KLHL10: variants seen among roughly 807,000 people sequenced by gnomAD.
KLHL10 encodes the protein kelch like family member 10, also known as kelch-like protein 10.
Under a neutral mutation model 46.6 loss-of-function variants are expected in KLHL10, and 11 were observed. The observed-to-expected ratio is 0.24, with a 90% CI of 0.15 to 0.39. The LOEUF (loss-of-function observed/expected upper bound fraction) is 0.39, where lower values mean the gene tolerates loss of function less well. Ranked by LOEUF, KLHL10 falls within the 10% of genes least tolerant of loss-of-function variation. The probability of loss-of-function intolerance (pLI) is 1.00; values close to 1 mark genes in which losing one functional copy is unlikely to be tolerated. For synonymous variants in KLHL10, 254 were observed against 279.1 expected (o/e 0.91, Z 0.90); for missense variants, 475 against 789.8 (o/e 0.60, Z 4.78).
At chr17:41,846,889 C>T (rs6503670) in intron 3 of KLHL10, among the ~76,000 whole-genome samples, 137,415 of 152,190 alleles carry the variant, frequency 0.9, 62,182 homozygotes, top group East Asian at 1. Flanking sequence ...CTGAGAGGGG[C>T]GGATTGCCTT....
chr17:41,841,353 C>T (rs889289340), intron 1 of KLHL10, among the ~76,000 whole-genome samples: 4 of 151,992 alleles, frequency 2.6e-5, no homozygotes, highest in Non-Finnish European at 4.4e-5. Flanking sequence ...CTCGCTGTGT[C>T]CCCCAGGCTG....
At chr17:41,846,021 C>A (rs1265464981) in intron 3 of KLHL10, among the ~76,000 whole-genome samples, 1 of 151,826 alleles carries the variant, frequency 6.6e-6, no homozygotes, top group Non-Finnish European at 1.5e-5. Context: ...ACCAGCCTGG[C>A]CAACATAGTG....
intron 2 of KLHL10, among the ~76,000 whole-genome samples, 188 bp downstream of exon 2, chr17:41,842,500 C>T (rs2144129519): frequency 6.6e-6 from 1 of 152,250 alleles, no homozygotes; most frequent in African/African-American, 2.4e-5. Flanking sequence ...TATTCTTTGA[C>T]CAAAATCCTT....
rs542113853 is a variant in KLHL10 at position 41,837,871 on chromosome 17, G to C, written c.-62G>C. On this transcript the variant is annotated 5_prime_UTR_variant, in exon 1 of 5. Coordinates refer to ENST00000293303, the MANE Select transcript of KLHL10 (RefSeq NM_152467.5). ...AAAGGAGCGACAGCTGGCTAAAGGG[G>C]CCCCCCACAACCCTCCCCGACACCC... The C allele has an allele frequency of 6.5e-5, 105 of 1,607,752 alleles. 2 individuals carry two copies. The South Asian group carries it at 1.1e-3, about 17-fold the overall frequency.
At chr17:41,842,392 C>A in intron 2 of KLHL10, 80 bp downstream of exon 2, 1 of 1,560,346 alleles carries the variant, frequency 6.4e-7, no homozygotes, top group Non-Finnish European at 8.8e-7. Context: ...GATCCCAAGG[C>A]TGTATTTACA....
upstream of KLHL10, chr17:41,835,946 C>A (rs782655954): frequency 1.3e-4 from 214 of 1,592,162 alleles, no homozygotes; most frequent in Non-Finnish European, 1.8e-4. Context: ...TGGCCTTCAT[C>A]AGGGTGCTCA....
At chr17:41,836,336 C>G (rs900375892), upstream of KLHL10, 64 of 1,218,164 alleles carry the variant, frequency 5.3e-5, no homozygotes, top group Non-Finnish European at 2.3e-5. Flanking sequence ...ATCGAGCGGT[C>G]CCGGAGATGG....
intron 1 of KLHL10, among the ~76,000 whole-genome samples, chr17:41,840,537 C>T (rs1597934344): frequency 6.7e-6 from 1 of 148,798 alleles, no homozygotes; most frequent in African/African-American, 2.5e-5. Flanking sequence ...CCCAGCTACT[C>T]GGGAGGCTGA....
upstream of KLHL10, chr17:41,836,289 T>TGGTGGGGCTGGGGGCGGGGCGGG: frequency 1.2e-6 from 1 of 869,542 alleles, no homozygotes; most frequent in Non-Finnish European, 1.4e-6. Context: ...GGGCGGGGGT[T>TGGTGGGGCTGGGGGCGGGGCGGG]GGTGGGGCCG....
chr17:41,842,995 T>C (rs2048242297), intron 2 of KLHL10, among the ~76,000 whole-genome samples: 2 of 151,690 alleles, frequency 1.3e-5, no homozygotes, highest in South Asian at 4.2e-4. Context: ...TGGTGGTGCA[T>C]GCCTGCAGTT....
chr17:41,845,584 G>A lies in KLHL10; in HGVS notation c.1143G>A (p.Val381=). The A allele has an allele frequency of 3.7e-6, 6 of 1,614,194 alleles. No individual in the cohort carries two copies. The highest frequency in any genetic ancestry group is 5.1e-6 in the Non-Finnish European group (6 of 1,180,026). The stretch of plus-strand genomic sequence containing the variant: ...ACTCCAGACGTTGCTATGTCAGTGT[G>A]ACAGTCCTCGGCAATTTTATTTATG... ...PMHSRRCYVS[V]TVLGNFIYAM... is the part of the protein sequence containing the mutation. Residue 381 remains valine (V), a synonymous_variant, in exon 3 of 5, where the codon GTG becomes GTA. Coordinates refer to ENST00000293303, the MANE Select transcript of KLHL10 (RefSeq NM_152467.5).
chr17:41,846,100 A>T (rs543162090), intron 3 of KLHL10, among the ~76,000 whole-genome samples: 22 of 151,470 alleles, frequency 1.5e-4, no homozygotes, highest in Non-Finnish European at 2.7e-4. Context: ...AATCCCACCT[A>T]CTCGGGAGGC....
At chr17:41,840,336 T>C (rs1226451262) in intron 1 of KLHL10, among the ~76,000 whole-genome samples, 2 of 152,234 alleles carry the variant, frequency 1.3e-5, no homozygotes, top group Admixed American at 1.3e-4. Context: ...CTTTTGATTT[T>C]TTCCCCCAAC....
At position 41,845,467 on chromosome 17, in the gene KLHL10, T is replaced by C. The variant is rs1555621261; in HGVS notation, c.1026T>C (p.Tyr342=). 6.2e-7 allele frequency: 1 copy of C among 1,614,222 alleles called. No individual in the cohort carries two copies. The highest frequency in any genetic ancestry group is 2.2e-5 in the East Asian group (1 of 44,890). The part of the protein sequence containing the change: ...HGAAYLKGYV[Y]IIGGFDSVDY... Reference sequence around the variant, plus strand: ...CAGCCTATTTGAAAGGCTATGTGTATATCATTGGGGGGTTTGATAGTGTAG... The same window carrying C: ...CAGCCTATTTGAAAGGCTATGTGTACATCATTGGGGGGTTTGATAGTGTAG... Residue 342 remains tyrosine (Y), a synonymous_variant, in exon 3 of 5, where the codon TAT becomes TAC. Coordinates refer to ENST00000293303, the MANE Select transcript of KLHL10 (RefSeq NM_152467.5).
chr17:41,843,481 G>A (rs1406058800), intron 2 of KLHL10, among the ~76,000 whole-genome samples: 4 of 150,766 alleles, frequency 2.7e-5, no homozygotes, highest in Non-Finnish European at 5.9e-5. Context: ...CTCCAGCTGG[G>A]CGACAGAGAG....
rs782124655 is a variant in KLHL10, at chr17:41,848,332, G to C, written c.*25G>C. ...AGCCTCTTCATTTAGCTAATAAAAA[G>C]TCTAAGCAATAAGAATTAATTCTTT... On this transcript the variant is annotated 3_prime_UTR_variant, in exon 5 of 5. Coordinates refer to ENST00000293303, the MANE Select transcript of KLHL10 (RefSeq NM_152467.5). The C allele has an allele frequency of 6.3e-7, 1 of 1,599,080 alleles. No homozygotes were observed. The highest frequency in any genetic ancestry group is 8.5e-7 in the Non-Finnish European group (1 of 1,178,054).
Position 41,847,327 on chromosome 17 carries a change from A to G in KLHL10, c.1369A>G (p.Ser457Gly). 6.2e-7 allele frequency: 1 copy of G among 1,613,188 alleles called. No individual in the cohort carries two copies. The highest frequency in any genetic ancestry group is 2.2e-5 in the East Asian group (1 of 44,862). The stretch of plus-strand genomic sequence containing the variant: ...CACAGCAGAAGTGTATAACACTGAA[A>G]GTAATCAGTGGACAGTCATAGCACC... ...LFTAEVYNTE[S>G]NQWTVIAPMR... Residue 457 changes from serine to glycine, a missense_variant, in exon 4 of 5, where the codon AGT (serine) becomes GGT (glycine). Transcript: ENST00000293303.
rs1555620773 is a variant in KLHL10, at chr17:41,841,892, C to T, written c.264C>T (p.Asp88=). ...KVYNIPGISP[D]MMKLIIEYAY... ...ACAACATCCCTGGCATTTCTCCCGACATGATGAAGCTAATCATTGAGTATG... is the reference window on the plus strand; with the variant it reads ...ACAACATCCCTGGCATTTCTCCCGATATGATGAAGCTAATCATTGAGTATG... Residue 88 remains aspartate, a synonymous_variant, in exon 2 of 5, where the codon GAC becomes GAT. Coordinates refer to ENST00000293303, the MANE Select transcript of KLHL10 (RefSeq NM_152467.5). 4 of 1,614,184 alleles carry T rather than the reference C, an allele frequency of 2.5e-6. No homozygotes were observed. Among genetic ancestry groups the T allele is most frequent in the Admixed American group, 1.7e-5 (1 of 60,012 alleles).
chr17:41,841,250 G>A (rs2048223478), intron 1 of KLHL10, among the ~76,000 whole-genome samples: 1 of 152,124 alleles, frequency 6.6e-6, no homozygotes. Context: ...TGAGTAAAAT[G>A]CATATCAAAT....
Sources: allele counts gnomAD v4.1 joint callset (sites outside exome capture counted in the v4.1 genomes callset), GRCh38; gene constraint gnomAD v4.1.1; transcripts MANE v1.5; gene names NCBI Gene and HGNC (gene_info 2026-07-23, HGNC 2026-07-21).